The following KCNG3 variants were observed in gnomAD, a reference collection of about 807,000 sequenced individuals.
KCNG3 encodes the protein potassium voltage-gated channel modifier subfamily G member 3.
A neutral mutation model predicts 29.0 loss-of-function variants in KCNG3; 15 were observed. The observed-to-expected ratio is 0.52, with a 90% CI of 0.35 to 0.80. The LOEUF (loss-of-function observed/expected upper bound fraction) is 0.80, where lower values mean the gene tolerates loss of function less well. Among genes scored for constraint, KCNG3 ranks in the 30% least tolerant of loss-of-function variants. The pLI, the probability that KCNG3 is intolerant of heterozygous loss-of-function variation, is 0.01. For synonymous variants in KCNG3, 322 were observed against 248.9 expected (o/e 1.29, Z -2.76); for missense variants, 512 against 605.7 (o/e 0.85, Z 1.62).
the KCNG3 span, among the ~76,000 whole-genome samples, chr2:42,395,016 G>C: frequency 9.2e-5 from 14 of 152,184 alleles, no homozygotes; most frequent in African/African-American, 3.4e-4. Context: ...GCGATGGCTG[G>C]GACAAATCTT....
At chr2:42,447,587 C>T (rs1274682026) in intron 1 of KCNG3, among the ~76,000 whole-genome samples, 1 of 152,064 alleles carries the variant, frequency 6.6e-6, no homozygotes, top group African/African-American at 2.4e-5. Context: ...ACCATCACAG[C>T]TCACTGCAGC....
intron 1 of KCNG3, among the ~76,000 whole-genome samples, chr2:42,491,045 T>A (rs1031168187): frequency 6.6e-6 from 1 of 152,210 alleles, no homozygotes; most frequent in Non-Finnish European, 1.5e-5. Flanking sequence ...AAAACATGCT[T>A]TTGCCTGAAA....
chr2:42,465,226 T>C (rs1673112925), intron 1 of KCNG3, among the ~76,000 whole-genome samples: 1 of 151,980 alleles, frequency 6.6e-6, no homozygotes, highest in African/African-American at 2.4e-5. Flanking sequence ...TCTTTCTTTT[T>C]TTTTTTTTGA....
At chr2:42,483,950 C>T (rs1275486836) in intron 1 of KCNG3, among the ~76,000 whole-genome samples, 1 of 152,094 alleles carries the variant, frequency 6.6e-6, no homozygotes, top group Non-Finnish European at 1.5e-5. Flanking sequence ...CGTCACCACA[C>T]CCGGCTAAAT....
chr2:42,492,791 G>A, intron 1 of KCNG3, 46 bp downstream of exon 1: 2 of 1,402,424 alleles, frequency 1.4e-6, no homozygotes, highest in Non-Finnish European at 1.9e-6. Flanking sequence ...GGGACGGACA[G>A]ACGCGACAGG....
the KCNG3 span, among the ~76,000 whole-genome samples, chr2:42,427,186 T>C: frequency 6.6e-6 from 1 of 152,312 alleles, no homozygotes; most frequent in Non-Finnish European, 1.5e-5. Context: ...ATAGCAAAAA[T>C]GTGCACCAAA....
chr2:42,452,243 A>ATATATATATATATATATATATTTTT, intron 1 of KCNG3, among the ~76,000 whole-genome samples: 12 of 95,046 alleles, frequency 1.3e-4, no homozygotes, highest in South Asian at 3.2e-4. Context: ...ATATATATAT[A>ATATATATATATATATATATATTTTT]TTTTTTTTTT....
In KCNG3 at chr2:42,471,123, G is replaced by T. The variant is rs1163553739; in HGVS notation, c.665+21714C>A. ...GCTATGATCGTGCCACTGAACTCCAGCCTGGGCAACAGAGTGAGACTGTCT... is the reference window on the plus strand; with the variant it reads ...GCTATGATCGTGCCACTGAACTCCATCCTGGGCAACAGAGTGAGACTGTCT... On this transcript the variant is annotated intron_variant, in intron 1 of 1. Transcript: ENST00000306078. Among the ~76,000 whole-genome samples the T allele has an allele frequency of 2.6e-5, 4 of 151,618 alleles. No individual in the cohort carries two copies. In the Admixed American group the frequency reaches 2.6e-4, roughly 10 times the overall value.
chr2:42,461,808 T>G (rs1019540751), intron 1 of KCNG3, among the ~76,000 whole-genome samples: 50 of 152,354 alleles, frequency 3.3e-4, no homozygotes, highest in African/African-American at 1.1e-3. Context: ...AAAAGAATTA[T>G]GAGACTAGAA....
At chr2:42,490,937 T>A (rs1404491913) in intron 1 of KCNG3, among the ~76,000 whole-genome samples, 2 of 152,188 alleles carry the variant, frequency 1.3e-5, no homozygotes, top group Non-Finnish European at 2.9e-5. Context: ...GCATCCTCAT[T>A]CGGCCATCCT....
the KCNG3 span, among the ~76,000 whole-genome samples, chr2:42,419,866 G>A: frequency 6.6e-6 from 1 of 152,316 alleles, no homozygotes; most frequent in Non-Finnish European, 1.5e-5. Flanking sequence ...TAGCAAGAGA[G>A]CAGAGACTGC....
chr2:42,477,466 C>T (rs1673467718), intron 1 of KCNG3, among the ~76,000 whole-genome samples: 2 of 138,762 alleles, frequency 1.4e-5, no homozygotes, highest in Non-Finnish European at 3.1e-5. Context: ...CTTGCTCTGT[C>T]GCCCAGGCTG....
At chr2:42,406,730 G>A in the KCNG3 span, among the ~76,000 whole-genome samples, 3 of 151,186 alleles carry the variant, frequency 2.0e-5, no homozygotes, top group East Asian at 2.0e-4. Flanking sequence ...GGGGGGCTGA[G>A]GCAGGAGAAT....
At chr2:42,471,180 G>A (rs548325706) in intron 1 of KCNG3, among the ~76,000 whole-genome samples, 3 of 151,056 alleles carry the variant, frequency 2.0e-5, no homozygotes, top group South Asian at 2.1e-4. Flanking sequence ...GTGTGTGTGT[G>A]TGTGTATATA....
At chr2:42,417,139 A>G in the KCNG3 span, among the ~76,000 whole-genome samples, 1 of 152,092 alleles carries the variant, frequency 6.6e-6, no homozygotes, top group Non-Finnish European at 1.5e-5. Context: ...GCTGCCTGGG[A>G]GGCTGAGGCA....
chr2:42,393,722 G>C, the KCNG3 span, among the ~76,000 whole-genome samples: 5 of 152,150 alleles, frequency 3.3e-5, no homozygotes, highest in African/African-American at 1.2e-4. Context: ...CCAAATTGCA[G>C]TCTAGAAGGA....
intron 1 of KCNG3, chr2:42,470,223 A>G (rs945220459): frequency 1.4e-5 from 6 of 417,890 alleles, no homozygotes; most frequent in Non-Finnish European, 2.3e-5. Flanking sequence ...CTCCCTCCCA[A>G]TTGGAAATAT....
chr2:42,475,932 G>A (rs953481081), intron 1 of KCNG3, among the ~76,000 whole-genome samples: 5 of 152,014 alleles, frequency 3.3e-5, no homozygotes, highest in Non-Finnish European at 5.9e-5. Flanking sequence ...CAGGAGTGGT[G>A]GCACATGCCT....
chr2:42,412,383 G>C, the KCNG3 span, among the ~76,000 whole-genome samples: 1 of 152,042 alleles, frequency 6.6e-6, no homozygotes, highest in Non-Finnish European at 1.5e-5. Flanking sequence ...GAGTGACTTT[G>C]GTTTCCTAAA....
Sources: allele counts gnomAD v4.1 joint callset (sites outside exome capture counted in the v4.1 genomes callset), GRCh38; gene constraint gnomAD v4.1.1; transcripts MANE v1.5; gene names NCBI Gene and HGNC (gene_info 2026-07-23, HGNC 2026-07-21).